The following ATP2B4 variants were observed in gnomAD, a reference collection of about 807,000 sequenced individuals.
The protein encoded by ATP2B4 is ATPase plasma membrane Ca2+ transporting 4, also known as plasma membrane calcium-transporting ATPase 4.
Under a neutral mutation model 110.3 loss-of-function variants are expected in ATP2B4, and 39 were observed. The observed-to-expected ratio is 0.35, with a 90% CI of 0.27 to 0.46. ATP2B4 has a LOEUF of 0.46. Ranked by LOEUF, ATP2B4 falls within the 20% of genes least tolerant of loss-of-function variation. ATP2B4 has a pLI of 1.00. For synonymous variants in ATP2B4, 538 were observed against 571.7 expected, an observed-to-expected ratio of 0.94 and a Z score of 0.84; for missense variants, 1,135 against 1,530.9, an observed-to-expected ratio of 0.74 and a Z score of 4.32.
chr1:203,681,851 C>G (rs1305554695), intron 1 of ATP2B4, among the ~76,000 whole-genome samples: 2 of 151,834 alleles, frequency 1.3e-5, no homozygotes, highest in Non-Finnish European at 2.9e-5. Context: ...GGTATCTTAC[C>G]GCTCCCACTC....
chr1:203,710,846 G>A (rs1435654304), intron 11 of ATP2B4, 31 bp from the exon 12 acceptor site: 1 of 1,514,996 alleles, frequency 6.6e-7, no homozygotes, highest in Non-Finnish European at 9.1e-7. Flanking sequence ...TGGGAAGGGA[G>A]ACACCGCGTT....
intron 8 of ATP2B4, among the ~76,000 whole-genome samples, chr1:203,706,354 A>C (rs563873049): frequency 4.6e-5 from 7 of 152,314 alleles, no homozygotes; most frequent in Non-Finnish European, 8.8e-5. Context: ...AAAAGGCGGT[A>C]ATAATAATGA....
At chr1:203,653,462 T>C (rs183375421) in intron 1 of ATP2B4, among the ~76,000 whole-genome samples, 2 of 152,300 alleles carry the variant, frequency 1.3e-5, no homozygotes, top group African/African-American at 2.4e-5. Flanking sequence ...GGCAAAACAG[T>C]CTTCTCTTGG....
In ATP2B4 at chr1:203,723,792, G is replaced by A. The variant is rs894362059; in HGVS notation, c.3025-89G>A. On this transcript the variant is annotated intron_variant, in intron 18 of 20. Coordinates refer to ENST00000357681, the MANE Select transcript of ATP2B4 (RefSeq NM_001684.5). The stretch of plus-strand genomic sequence containing the variant: ...TTGTACCCAAGGATCCTGAGGAGTG[G>A]GATGATGTGGCTTTGGGGGCCTTGG... 2.2e-5 allele frequency: 22 copies of A among 995,706 alleles called. No individual in the cohort carries two copies. The African/African-American group carries it at 3.5e-4, about 16-fold the overall frequency. 61.7% of individuals were successfully genotyped at this position (995,706 alleles called of 1,614,324 possible). A position where few individuals can be genotyped will look rare whatever the true frequency, so the allele number is the denominator to read the frequency against.
intron 2 of ATP2B4, among the ~76,000 whole-genome samples, chr1:203,687,218 G>A (rs988879729): frequency 2.7e-5 from 4 of 145,960 alleles, no homozygotes; most frequent in African/African-American, 1.0e-4. Context: ...TAGTGTGTAA[G>A]AAGAATAAAG....
At chr1:203,715,085 G>A (rs570107339) in intron 15 of ATP2B4, among the ~76,000 whole-genome samples, 31 of 152,148 alleles carry the variant, frequency 2.0e-4, no homozygotes, top group South Asian at 1.5e-3. Flanking sequence ...TGTTTTTGAA[G>A]CAAATGCAAG....
At chr1:203,726,645 A>G (rs1197224737) in intron 19 of ATP2B4, among the ~76,000 whole-genome samples, 2 of 151,986 alleles carry the variant, frequency 1.3e-5, no homozygotes, top group East Asian at 1.9e-4. Flanking sequence ...CCTTGACTCC[A>G]TATCAGATTG....
chr1:203,650,832 C>T (rs1247487711), intron 1 of ATP2B4, among the ~76,000 whole-genome samples: 2 of 152,256 alleles, frequency 1.3e-5, no homozygotes, highest in Admixed American at 6.5e-5. Context: ...CACTCTCATC[C>T]CCTTCCTCCC....
In ATP2B4 at chr1:203,703,644, C is replaced by T. The variant is rs1228966868; in HGVS notation, c.938-8C>T. On this transcript the variant is annotated splice_region_variant and splice_polypyrimidine_tract_variant and intron_variant, in intron 7 of 20. Coordinates refer to ENST00000357681, the MANE Select transcript of ATP2B4 (RefSeq NM_001684.5). ...TGCTCACCTGTCCTATTTGTGTGTA[C>T]ACTCCAGCAAAGACCCAAGACGGAG... The T allele has an allele frequency of 1.2e-6, 2 of 1,613,278 alleles. No individual in the cohort carries two copies. Among genetic ancestry groups the T allele is most frequent in the Admixed American group, 1.7e-5 (1 of 59,954 alleles).
At chr1:203,669,763 T>C (rs1209483980) in intron 1 of ATP2B4, among the ~76,000 whole-genome samples, 1 of 152,156 alleles carries the variant, frequency 6.6e-6, no homozygotes, top group Non-Finnish European at 1.5e-5. Flanking sequence ...ATACTTTTCC[T>C]TCCCTTGGAA....
At chr1:203,735,352 A>G (rs1389279930) in intron 20 of ATP2B4, among the ~76,000 whole-genome samples, 1 of 152,134 alleles carries the variant, frequency 6.6e-6, no homozygotes, top group African/African-American at 2.4e-5. Context: ...CCTTCCCCAA[A>G]TGGGACTCAG....
chr1:203,659,548 T>C (rs548781045), intron 1 of ATP2B4, among the ~76,000 whole-genome samples: 1 of 151,938 alleles, frequency 6.6e-6, no homozygotes, highest in Admixed American at 6.5e-5. Flanking sequence ...CACACCCCTG[T>C]AGTCCACAAA....
At position 203,743,416 on chromosome 1, in the gene ATP2B4, C is replaced by T. The variant is rs977723648; in HGVS notation, c.*3562C>T. On this transcript the variant is annotated 3_prime_UTR_variant, in exon 21 of 21. Transcript: ENST00000357681. Reference sequence around the variant, plus strand: ...TCTTCCTCTGAATAGACCAGACGCCCTTTCACTTAGTTCAGTGCCAGTCCT... The same window carrying T: ...TCTTCCTCTGAATAGACCAGACGCCTTTTCACTTAGTTCAGTGCCAGTCCT... 6.5e-6 allele frequency: 1 copy of T among 152,688 alleles called. No individual in the cohort carries two copies. The highest frequency in any genetic ancestry group is 2.4e-5 in the African/African-American group (1 of 41,454). The allele number at this position is 152,688 out of a possible 1,614,324, so 9.5% of individuals were successfully genotyped here.
chr1:203,647,898 G>A (rs1333106799), intron 1 of ATP2B4, among the ~76,000 whole-genome samples: 1 of 152,190 alleles, frequency 6.6e-6, no homozygotes, highest in Non-Finnish European at 1.5e-5. Context: ...TCAGAGAGGG[G>A]AGAAGGCTTG....
intron 1 of ATP2B4, among the ~76,000 whole-genome samples, chr1:203,653,154 G>T (rs1443977025): frequency 6.6e-6 from 1 of 152,250 alleles, no homozygotes; most frequent in Non-Finnish European, 1.5e-5. Flanking sequence ...CAGGAAGGAA[G>T]TTCAAGTGGT....
chr1:203,741,939 G>A lies in ATP2B4; in HGVS notation c.*2085G>A, dbSNP rs375586170. On this transcript the variant is annotated 3_prime_UTR_variant, in exon 21 of 21. Coordinates refer to ENST00000357681, the MANE Select transcript of ATP2B4 (RefSeq NM_001684.5). The stretch of plus-strand genomic sequence containing the variant: ...TCATTTTAAATAGCAAGCCAATAAC[G>A]AGCTTTGAAGGCTATTTTACCATTC... 6.6e-6 allele frequency: 1 copy of A among 152,500 alleles called. No individual in the cohort carries two copies. Among genetic ancestry groups the A allele is most frequent in the African/African-American group, 2.4e-5 (1 of 41,400 alleles). The allele number at this position is 152,500 out of a possible 1,614,324, so 9.4% of individuals were successfully genotyped here. A position where few individuals can be genotyped will look rare whatever the true frequency, so the allele number is the denominator to read the frequency against.
chr1:203,696,769 C>CTGTG (rs373194024), intron 2 of ATP2B4, among the ~76,000 whole-genome samples: 3 of 151,602 alleles, frequency 2.0e-5, no homozygotes, highest in African/African-American at 7.3e-5. Flanking sequence ...GGTGCATGTT[C>CTGTG]TGTGTGTGTG....
intron 1 of ATP2B4, among the ~76,000 whole-genome samples, chr1:203,643,212 A>C (rs1189931259): frequency 6.6e-6 from 1 of 152,176 alleles, no homozygotes; most frequent in Non-Finnish European, 1.5e-5. Flanking sequence ...CTGGTGAAAT[A>C]AGGCAGAGTG....
rs1218633538 is a variant in ATP2B4 at position 203,653,985 on chromosome 1, A to ATT, written c.-465+26780_-465+26781dup. Among the ~76,000 whole-genome samples, 191 of 112,406 alleles carry ATT rather than the reference A, an allele frequency of 1.7e-3. 1 individual carries two copies. The highest frequency in any genetic ancestry group is 6.8e-3 in the African/African-American group (174 of 25,540). The allele number at this position is 112,406 out of a possible 152,430, so 73.7% of individuals were successfully genotyped here. On this transcript the variant is annotated intron_variant, in intron 1 of 20. Transcript: ENST00000357681. ...AATATATATATATATATATATATATATTTTTTTTTTTTTTTGAGATGGAGT... is the reference window on the plus strand; with the variant it reads ...AATATATATATATATATATATATATATTTTTTTTTTTTTTTTTGAGATGGAGT...
Sources: gnomAD v4.1 joint callset for allele counts (sites outside exome capture counted in the v4.1 genomes callset) on GRCh38, gnomAD v4.1.1 for gene constraint, MANE v1.5 for transcripts, NCBI Gene and HGNC (gene_info 2026-07-23, HGNC 2026-07-21) for gene names.